The following ACVR1C variants were observed in gnomAD, a reference collection of about 807,000 sequenced individuals.
ACVR1C encodes the protein activin A receptor type 1C.
Under a neutral mutation model 57.9 loss-of-function variants are expected in ACVR1C, and 23 were observed. The ratio of observed to expected loss-of-function variants is 0.40; its 90% CI spans 0.29 to 0.56. ACVR1C has a LOEUF of 0.56. Among genes scored for constraint, ACVR1C ranks in the 20% least tolerant of loss-of-function variants. ACVR1C has a pLI of 0.50. For synonymous variants in ACVR1C, 214 were observed against 215.3 expected (o/e 0.99, Z 0.05); for missense variants, 480 against 607.9 (o/e 0.79, Z 2.21).
intron 4 of ACVR1C, among the ~76,000 whole-genome samples, chr2:157,549,882 A>G (rs1186484092): frequency 6.7e-6 from 1 of 148,448 alleles, no homozygotes; most frequent in Non-Finnish European, 1.5e-5. Context: ...GGGCGCCTGT[A>G]GTCCAAGCTA....
At chr2:157,561,751 A>T (rs1418820270) in intron 2 of ACVR1C, among the ~76,000 whole-genome samples, 3 of 152,222 alleles carry the variant, frequency 2.0e-5, no homozygotes, top group Non-Finnish European at 4.4e-5. Context: ...GCATCCTAAA[A>T]TGTGGGTACC....
intron 1 of ACVR1C, among the ~76,000 whole-genome samples, chr2:157,589,687 T>C (rs945478554): frequency 2.0e-5 from 3 of 151,928 alleles, no homozygotes; most frequent in Non-Finnish European, 2.9e-5. Flanking sequence ...CTAAAATTTT[T>C]ATGGAATCAA....
intron 1 of ACVR1C, among the ~76,000 whole-genome samples, chr2:157,618,236 G>A (rs940497560): frequency 3.3e-5 from 5 of 151,560 alleles, no homozygotes; most frequent in Admixed American, 6.6e-5. Context: ...GGAAATGGAG[G>A]CATATGATGG....
intron 8 of ACVR1C, among the ~76,000 whole-genome samples, chr2:157,538,352 T>C (rs1250427508): frequency 6.6e-6 from 1 of 152,156 alleles, no homozygotes; most frequent in East Asian, 1.9e-4. Context: ...AAATAAAGTC[T>C]TGTGGAAAGT....
At chr2:157,592,967 A>C (rs78125414) in intron 1 of ACVR1C, among the ~76,000 whole-genome samples, 1,643 of 152,148 alleles carry the variant, frequency 0.011, 33 homozygotes, top group African/African-American at 0.037. Flanking sequence ...AATTACCCAT[A>C]ATAAGGAGGT....
rs765290412 is a variant in ACVR1C at position 157,541,226 on chromosome 2, T to C, written c.1101-12A>G. ...CAGGAGCCATATACCTTCAAAAACA[T>C]GTACATTTCAGATTCTGTCTATGAC... On this transcript the variant is annotated splice_polypyrimidine_tract_variant and intron_variant, in intron 6 of 8. Transcript: ENST00000243349. The C allele has an allele frequency of 6.2e-7, 1 of 1,609,170 alleles. No homozygotes were observed. Among genetic ancestry groups the C allele is most frequent in the Non-Finnish European group, 8.5e-7 (1 of 1,178,498 alleles).
At chr2:157,617,759 A>G (rs558838814) in intron 1 of ACVR1C, among the ~76,000 whole-genome samples, 2 of 152,114 alleles carry the variant, frequency 1.3e-5, no homozygotes, top group South Asian at 4.1e-4. Flanking sequence ...ATATTAATGG[A>G]TAGAAGGATG....
intron 7 of ACVR1C, among the ~76,000 whole-genome samples, chr2:157,539,096 T>A (rs1419392517): frequency 6.6e-6 from 1 of 151,826 alleles, no homozygotes; most frequent in Non-Finnish European, 1.5e-5. Context: ...TTAAAAGTGA[T>A]GCCTACTTTC....
chr2:157,528,074 T>C lies in ACVR1C; in HGVS notation c.*5844A>G, dbSNP rs1245188017. Reference sequence around the variant, plus strand: ...AGATGTCAAGAATTATTTTGACTTTTTAATTCTCATTTTCTGAAGATGTAT... The same window carrying C: ...AGATGTCAAGAATTATTTTGACTTTCTAATTCTCATTTTCTGAAGATGTAT... On this transcript the variant is annotated 3_prime_UTR_variant, in exon 9 of 9. Transcript: ENST00000243349. 6.6e-6 allele frequency: 1 copy of C among 152,218 alleles called. No individual in the cohort carries two copies. Among genetic ancestry groups the C allele is most frequent in the African/African-American group, 2.4e-5 (1 of 41,454 alleles). The allele number at this position is 152,218 out of a possible 1,614,324, so 9.4% of individuals were successfully genotyped here. A position where few individuals can be genotyped will look rare whatever the true frequency, so the allele number is the denominator to read the frequency against.
At position 157,620,215 on chromosome 2, in the gene ACVR1C, T is replaced by C. The variant is rs190560506; in HGVS notation, c.73+8357A>G. On this transcript the variant is annotated intron_variant, in intron 1 of 8. Transcript: ENST00000243349. ...TATTATTCTATAAGGAATCTTCTGC[T>C]AATTATATAATTATTCTGTATTCAA... Among the ~76,000 whole-genome samples, 506 of 152,248 alleles carry C rather than the reference T, an allele frequency of 3.3e-3. 2 individuals carry two copies. Among genetic ancestry groups the C allele is most frequent in the Non-Finnish European group, 4.5e-3 (306 of 67,950 alleles).
At chr2:157,556,766 C>T (rs1022039834) in intron 2 of ACVR1C, among the ~76,000 whole-genome samples, 13 of 149,918 alleles carry the variant, frequency 8.7e-5, no homozygotes, top group Non-Finnish European at 1.9e-4. Context: ...TAGGTTCAAG[C>T]CATTCTCCTG....
At chr2:157,541,364 A>ACACACTTGATGGTTGAG in intron 6 of ACVR1C, 150 bp from the exon 7 acceptor site, 1 of 785,058 alleles carries the variant, frequency 1.3e-6, no homozygotes. Context: ...TATTGGCTCA[A>ACACACTTGATGGTTGAG]CCATCAAGTG....
chr2:157,550,370 C>T lies in ACVR1C; in HGVS notation c.567G>A (p.Arg189=). 3 of 1,614,110 alleles carry T rather than the reference C, an allele frequency of 1.9e-6. No homozygotes were observed. The highest frequency in any genetic ancestry group is 2.2e-5 in the East Asian group (1 of 44,880). ...SGSGLPLLVQ[R]TIARTIVLQE... Reference sequence around the variant, plus strand: ...GAAGCACAATCGTCCTTGCAATTGTCCTTTGAACCAACAGAGGTAGACCTA... The same window carrying T: ...GAAGCACAATCGTCCTTGCAATTGTTCTTTGAACCAACAGAGGTAGACCTA... The change falls in exon 4 of 9, where the codon AGG becomes AGA. Residue 189 remains arginine, a synonymous_variant. Transcript: ENST00000243349.
chr2:157,551,259 T>C (rs1326494674), intron 3 of ACVR1C, among the ~76,000 whole-genome samples: 1 of 152,144 alleles, frequency 6.6e-6, no homozygotes, highest in East Asian at 1.9e-4. Flanking sequence ...TCTGAAAAAC[T>C]GGGGATAATC....
intron 1 of ACVR1C, among the ~76,000 whole-genome samples, chr2:157,590,183 T>C (rs1174255889): frequency 6.6e-6 from 1 of 151,896 alleles, no homozygotes. Context: ...AATGTATTAT[T>C]AATGTAATGA....
intron 1 of ACVR1C, among the ~76,000 whole-genome samples, chr2:157,594,617 G>C (rs369347907): frequency 1.3e-5 from 2 of 152,106 alleles, no homozygotes; most frequent in African/African-American, 4.8e-5. Flanking sequence ...ATTTGGGGGC[G>C]ATGGGGGAAA....
chr2:157,578,283 T>C (rs1234328819), intron 2 of ACVR1C, among the ~76,000 whole-genome samples: 1 of 152,164 alleles, frequency 6.6e-6, no homozygotes, highest in Non-Finnish European at 1.5e-5. Flanking sequence ...TTACATTCTA[T>C]TCTTTTAAAA....
intron 2 of ACVR1C, among the ~76,000 whole-genome samples, chr2:157,580,177 T>C (rs568798189): frequency 6.6e-6 from 1 of 152,286 alleles, no homozygotes; most frequent in East Asian, 1.9e-4. Flanking sequence ...TATTTCTACA[T>C]TTCTACCCAA....
At chr2:157,619,556 C>T (rs1333403716) in intron 1 of ACVR1C, among the ~76,000 whole-genome samples, 2 of 151,864 alleles carry the variant, frequency 1.3e-5, no homozygotes, top group Non-Finnish European at 2.9e-5. Context: ...ATGTATTGTC[C>T]GTGGCTGCTT....
Sources: allele counts gnomAD v4.1 joint callset (sites outside exome capture counted in the v4.1 genomes callset), GRCh38; gene constraint gnomAD v4.1.1; transcripts MANE v1.5; gene names NCBI Gene and HGNC (gene_info 2026-07-23, HGNC 2026-07-21).